Variants in MLLT10 observed in about 807,000 individuals in gnomAD.
MLLT10 encodes protein AF-10.
A neutral mutation model predicts 129.1 loss-of-function variants in MLLT10; 30 were observed. That is an observed-to-expected ratio of 0.23 (90% CI 0.17 to 0.32). MLLT10 has a LOEUF of 0.32. MLLT10 is among the 10% of genes least tolerant of loss of function. The pLI, the probability that MLLT10 is intolerant of heterozygous loss-of-function variation, is 1.00. For synonymous variants in MLLT10, 490 were observed against 446.4 expected, an observed-to-expected ratio of 1.10 and a Z score of -1.23; for missense variants, 1,119 against 1,268.3, an observed-to-expected ratio of 0.88 and a Z score of 1.79.
At chr10:21,601,751 G>A (rs1188855718) in intron 5 of MLLT10, among the ~76,000 whole-genome samples, 1 of 152,110 alleles carries the variant, frequency 6.6e-6, no homozygotes, top group Non-Finnish European at 1.5e-5. Context: ...TATAGCCCAG[G>A]CTGGTTGTGA....
At chr10:21,608,307 C>G (rs924044893) in intron 5 of MLLT10, among the ~76,000 whole-genome samples, 1 of 151,434 alleles carries the variant, frequency 6.6e-6, no homozygotes, top group African/African-American at 2.4e-5. Context: ...GTAGCTGGGA[C>G]TACAGGCTTG....
intron 8 of MLLT10, among the ~76,000 whole-genome samples, chr10:21,618,590 C>T (rs544011340): frequency 6.6e-6 from 1 of 152,126 alleles, no homozygotes; most frequent in African/African-American, 2.4e-5. Flanking sequence ...AGAGTAAATT[C>T]TCTATCATGA....
chr10:21,653,459 A>G (rs548727263), intron 9 of MLLT10, among the ~76,000 whole-genome samples: 22 of 152,284 alleles, frequency 1.4e-4, no homozygotes, highest in African/African-American at 3.6e-4. Context: ...ATAGGTAGCA[A>G]TGGCATGTTG....
chr10:21,541,586 A>G (rs774023974), intron 3 of MLLT10, among the ~76,000 whole-genome samples: 10 of 152,078 alleles, frequency 6.6e-5, no homozygotes, highest in Non-Finnish European at 1.0e-4. Context: ...GGGTTTCACC[A>G]TGTTGGCCAG....
chr10:21,607,425 A>G (rs970459503), intron 5 of MLLT10, among the ~76,000 whole-genome samples: 7 of 151,380 alleles, frequency 4.6e-5, no homozygotes, highest in South Asian at 2.1e-4. Context: ...GGTTCAAGCA[A>G]TTCTCACACT....
chr10:21,742,441 C>T lies in MLLT10; in HGVS notation c.*458C>T, dbSNP rs1383001889. Reference sequence around the variant, plus strand: ...AGTATGCTTGCTCTAAGTCAAATTCCAAGGAACTAATTTCTTCTCCTGGAG... The same window carrying T: ...AGTATGCTTGCTCTAAGTCAAATTCTAAGGAACTAATTTCTTCTCCTGGAG... On this transcript the variant is annotated 3_prime_UTR_variant, in exon 23 of 23. Coordinates refer to ENST00000307729, the MANE Select transcript of MLLT10 (RefSeq NM_001195626.3). 4.6e-6 allele frequency: 1 copy of T among 218,336 alleles called. No individual in the cohort carries two copies. The highest frequency in any genetic ancestry group is 9.2e-6 in the Non-Finnish European group (1 of 108,890). The allele number at this position is 218,336 out of a possible 1,614,324, so 13.5% of individuals were successfully genotyped here.
chr10:21,651,717 G>T lies in MLLT10; in HGVS notation c.744G>T (p.Gln248His), dbSNP rs1329681436. 2 of 1,613,246 alleles carry T rather than the reference G, an allele frequency of 1.2e-6. No homozygotes were observed. The highest frequency in any genetic ancestry group is 2.7e-5 in the African/African-American group (2 of 74,860). The change falls in exon 9 of 23, where the codon CAG (glutamine) becomes CAT (histidine). Residue 248 changes from glutamine (Q) to histidine (H), a missense_variant. Gln to His is a conservative substitution (Grantham distance 24). This residue lies in a region of MLLT10 where 1,004 missense variants were observed against 1,008.7 expected (regional missense o/e 1.00). Transcript: ENST00000307729. ...KDKHKQKHKK[Q>H]PEPSPALVPS... ...AACACAAACAGAAACACAAGAAGCA[G>T]CCAGAACCATCACCTGCATTGGTTC...
At chr10:21,668,023 T>G (rs1230317634) in intron 9 of MLLT10, among the ~76,000 whole-genome samples, 1 of 152,056 alleles carries the variant, frequency 6.6e-6, no homozygotes, top group East Asian at 1.9e-4. Flanking sequence ...CTTCAGAGAC[T>G]CTCAGTACAG....
intron 3 of MLLT10, chr10:21,557,239 C>T: frequency 9.6e-7 from 1 of 1,044,396 alleles, no homozygotes; most frequent in Non-Finnish European, 1.2e-6. Context: ...AGTTATAACT[C>T]AGTTATTATA....
chr10:21,552,828 T>C (rs61850041), intron 3 of MLLT10, among the ~76,000 whole-genome samples: 2 of 152,218 alleles, frequency 1.3e-5, no homozygotes, highest in Admixed American at 6.5e-5. Context: ...CTTTCTCCTC[T>C]CTTTGATTTT....
intron 13 of MLLT10, among the ~76,000 whole-genome samples, chr10:21,695,618 T>C (rs945027070): frequency 2.0e-5 from 3 of 152,342 alleles, no homozygotes; most frequent in Admixed American, 1.3e-4. Context: ...CGAAGTGTCT[T>C]GGAGGGCAGT....
At chr10:21,579,084 T>G (rs1471217164) in intron 3 of MLLT10, among the ~76,000 whole-genome samples, 1 of 152,252 alleles carries the variant, frequency 6.6e-6, no homozygotes, top group Non-Finnish European at 1.5e-5. Context: ...TATCTGAAAG[T>G]ACCTATTTCA....
At chr10:21,682,598 A>C (rs1202970888) in intron 13 of MLLT10, among the ~76,000 whole-genome samples, 1 of 152,138 alleles carries the variant, frequency 6.6e-6, no homozygotes, top group Non-Finnish European at 1.5e-5. Context: ...TAGGGGAAGA[A>C]TTTGCTTGGA....
Position 21,740,062 on chromosome 10 carries a change from G to A in MLLT10, c.2988G>A (p.Met996Ile). The change falls in exon 22 of 23, where the codon ATG (methionine) becomes ATA (isoleucine). Residue 996 changes from methionine (M) to isoleucine (I), a missense_variant. By Grantham distance (10) the Met-to-Ile change is conservative. Around this residue, in one of 5 missense-constraint regions of MLLT10, gnomAD observed 1,004 missense variants for 1,008.7 expected, o/e 1.00. Coordinates refer to ENST00000307729, the MANE Select transcript of MLLT10 (RefSeq NM_001195626.3). ...EQHQAFLYQLMQHHHQQHHQP... is the reference protein window; with the variant it reads ...EQHQAFLYQLIQHHHQQHHQP... Reference sequence around the variant, plus strand: ...ATCAAGCCTTTTTGTATCAGTTAATGCAACATCACCACCAGCAGCACCACC... The same window carrying A: ...ATCAAGCCTTTTTGTATCAGTTAATACAACATCACCACCAGCAGCACCACC... 6.2e-7 allele frequency: 1 copy of A among 1,612,552 alleles called. No homozygotes were observed. Among genetic ancestry groups the A allele is most frequent in the Non-Finnish European group, 8.5e-7 (1 of 1,179,230 alleles).
At chr10:21,597,989 G>T (rs1351546973) in intron 5 of MLLT10, among the ~76,000 whole-genome samples, 2 of 152,054 alleles carry the variant, frequency 1.3e-5, no homozygotes, top group East Asian at 3.8e-4. Flanking sequence ...TGGATTTTGT[G>T]GGGGAAGTAC....
At chr10:21,653,542 T>C (rs2049263266) in intron 9 of MLLT10, among the ~76,000 whole-genome samples, 1 of 152,188 alleles carries the variant, frequency 6.6e-6, no homozygotes, top group African/African-American at 2.4e-5. Flanking sequence ...CTCTTTAAGC[T>C]CATGTGATTA....
At chr10:21,739,632 T>C (rs2058669368) in intron 21 of MLLT10, among the ~76,000 whole-genome samples, 1 of 152,210 alleles carries the variant, frequency 6.6e-6, no homozygotes, top group South Asian at 2.1e-4. Context: ...ATATGCTTGC[T>C]GTAGAGTGGT....
chr10:21,721,607 A>G (rs1447060934), intron 14 of MLLT10, among the ~76,000 whole-genome samples: 2 of 152,174 alleles, frequency 1.3e-5, no homozygotes, highest in Non-Finnish European at 2.9e-5. Flanking sequence ...AGAAATTATA[A>G]GCTGAAATAT....
chr10:21,720,955 G>T (rs1441445803), intron 14 of MLLT10, among the ~76,000 whole-genome samples: 1 of 152,084 alleles, frequency 6.6e-6, no homozygotes, highest in Admixed American at 6.6e-5. Context: ...GGACAGAGAG[G>T]TTTAATAATT....
Sources: gnomAD v4.1 joint callset for allele counts (sites outside exome capture counted in the v4.1 genomes callset) on GRCh38, gnomAD v4.1.1 for gene constraint, gnomAD v4.1.1 regional missense constraint, MANE v1.5 for transcripts, NCBI Gene and HGNC (gene_info 2026-07-23, HGNC 2026-07-21) for gene names.